ADD2: variants seen among roughly 807,000 people sequenced by gnomAD.
ADD2 encodes the protein beta-adducin.
In ADD2, 23 loss-of-function variants were observed where a neutral mutation model predicts 83.0. The ratio of observed to expected loss-of-function variants is 0.28; its 90% CI spans 0.20 to 0.39. ADD2 has a LOEUF of 0.39. Among genes scored for constraint, ADD2 ranks in the 10% least tolerant of loss-of-function variants. The probability of loss-of-function intolerance (pLI) is 1.00; values close to 1 mark genes in which losing one functional copy is unlikely to be tolerated. For synonymous variants in ADD2, 375 were observed against 375.4 expected, an observed-to-expected ratio of 1.00 and a Z score of 0.01; for missense variants, 758 against 944.9, an observed-to-expected ratio of 0.80 and a Z score of 2.59.
intron 1 of ADD2, among the ~76,000 whole-genome samples, chr2:70,766,227 C>T (rs1553386017): frequency 6.6e-6 from 1 of 152,106 alleles, no homozygotes; most frequent in African/African-American, 2.4e-5. Flanking sequence ...AATAATTTAT[C>T]TTTAGTGGTT....
chr2:70,758,499 A>G (rs1674914773), intron 1 of ADD2, among the ~76,000 whole-genome samples: 1 of 152,204 alleles, frequency 6.6e-6, no homozygotes, highest in Non-Finnish European at 1.5e-5. Flanking sequence ...TAGAGGGTAG[A>G]GCGTAAAGGA....
In ADD2 at chr2:70,676,385, G is replaced by A; in HGVS notation, c.1593+411C>T. On this transcript the variant is annotated intron_variant, in intron 13 of 15. Coordinates refer to ENST00000264436, the MANE Select transcript of ADD2 (RefSeq NM_001617.4). The surrounding 1 kb of genome is among the most constrained non-coding windows in gnomAD (Gnocchi z 4.8). ...TGATCATCTTTCCAGAGCTCTGGTT[G>A]GATGATGTCATACCAGGCTCAGAGG... 1 of 1,122,650 alleles carries A rather than the reference G, an allele frequency of 8.9e-7. No homozygotes were observed. Among genetic ancestry groups the A allele is most frequent in the Non-Finnish European group, 1.1e-6 (1 of 916,212 alleles). The allele number at this position is 1,122,650 out of a possible 1,614,324, so 69.5% of individuals were successfully genotyped here.
At chr2:70,711,878 G>A (rs1384660635) in intron 2 of ADD2, among the ~76,000 whole-genome samples, 3 of 152,218 alleles carry the variant, frequency 2.0e-5, no homozygotes, top group Non-Finnish European at 4.4e-5. Context: ...CAAGTCAGTT[G>A]GAAGCATGGG....
Position 70,677,837 on chromosome 2 carries a change from A to C in ADD2, c.1424T>G (p.Met475Arg). ...GTTTGGGTTTTCGATGCGAATCGGC[A>C]TGCCACTGCTGGATTTCTCCACCTC... is the stretch of plus-strand genomic sequence containing the variant. ...ADEVEKSSSG[M>R]PIRIENPNQF... Residue 475 changes from methionine (M) to arginine (R), a missense_variant, in exon 12 of 16, where the codon ATG becomes AGG. This residue lies in a region of ADD2 where 394 missense variants were observed against 509.3 expected (regional missense o/e 0.77). Coordinates refer to ENST00000264436, the MANE Select transcript of ADD2 (RefSeq NM_001617.4). The C allele has an allele frequency of 6.2e-7, 1 of 1,614,224 alleles. No individual in the cohort carries two copies. Among genetic ancestry groups the C allele is most frequent in the Non-Finnish European group, 8.5e-7 (1 of 1,180,042 alleles).
rs1675629105 is a variant in ADD2, at chr2:70,663,664, C to A, written c.1942G>T (p.Val648Leu). ...EPETTQPEGV[V>L]VNGREEEQTA... ...TGCTCCTCCTCCCTCCCGTTGACCA[C>A]CACCCCTTCCGGCTGGGTTGTTTCG... The change falls in exon 16 of 16, where the codon GTG becomes TTG. Residue 648 changes from valine (V) to leucine (L), a missense_variant. Physicochemically the swap from Val to Leu is conservative, Grantham distance 32. Transcript: ENST00000264436. The A allele has an allele frequency of 4.3e-6, 7 of 1,614,014 alleles. No homozygotes were observed. Among genetic ancestry groups the A allele is most frequent in the African/African-American group, 1.3e-5 (1 of 74,884 alleles).
At chr2:70,663,849 G>A (rs1221676728) in intron 15 of ADD2, 114 bp from the exon 16 acceptor site, 4 of 1,173,490 alleles carry the variant, frequency 3.4e-6, no homozygotes, top group African/African-American at 3.1e-5. Flanking sequence ...AGAGCGAGGG[G>A]AGGGCCAGCC....
At chr2:70,743,867 T>C (rs1674047007) in intron 1 of ADD2, among the ~76,000 whole-genome samples, 1 of 152,198 alleles carries the variant, frequency 6.6e-6, no homozygotes, top group South Asian at 2.1e-4. Flanking sequence ...CTGAGAAGCC[T>C]AGAGGGGACA....
At chr2:70,713,384 G>T (rs138833000) in intron 1 of ADD2, among the ~76,000 whole-genome samples, 200 bp from the exon 2 acceptor site, 1,578 of 152,050 alleles carry the variant, frequency 0.01, 27 homozygotes, top group African/African-American at 0.034. Flanking sequence ...AGGCCAAGGT[G>T]GGGGGATCAC....
intron 1 of ADD2, among the ~76,000 whole-genome samples, chr2:70,753,340 A>G (rs1352246146): frequency 5.3e-5 from 8 of 152,186 alleles, no homozygotes; most frequent in African/African-American, 1.9e-4. Context: ...AAAGAGGACA[A>G]GTATAAACAG....
chr2:70,707,562 C>T (rs995714779), intron 2 of ADD2, among the ~76,000 whole-genome samples: 7 of 142,034 alleles, frequency 4.9e-5, no homozygotes, highest in Admixed American at 1.4e-4. Context: ...TGGGAATTTG[C>T]GAAGCCCGTC....
At chr2:70,737,170 T>A (rs1365827138) in intron 1 of ADD2, among the ~76,000 whole-genome samples, 8 of 152,150 alleles carry the variant, frequency 5.3e-5, no homozygotes, top group Admixed American at 3.9e-4. Context: ...AGTGTGGCGA[T>A]TCCTCAAGGA....
At chr2:70,677,645 G>T in intron 12 of ADD2, 113 bp downstream of exon 12, 1 of 1,352,440 alleles carries the variant, frequency 7.4e-7, no homozygotes, top group Non-Finnish European at 1.0e-6. Context: ...CTCCTGTGAG[G>T]CATGTGAGAT....
chr2:70,716,593 T>A (rs1394419270), intron 1 of ADD2, among the ~76,000 whole-genome samples: 1 of 152,226 alleles, frequency 6.6e-6, no homozygotes, highest in Non-Finnish European at 1.5e-5. Context: ...CTATCCTCCC[T>A]GTTGCCATAG....
chr2:70,712,060 A>G (rs1672208131), intron 2 of ADD2, among the ~76,000 whole-genome samples: 1 of 152,142 alleles, frequency 6.6e-6, no homozygotes, highest in Non-Finnish European at 1.5e-5. Context: ...TTGGTGACAT[A>G]ATATTACCAG....
At position 70,663,582 on chromosome 2, in the gene ADD2, G is replaced by A. The variant is rs374483089; in HGVS notation, c.2024C>T (p.Thr675Met). The part of the protein sequence containing the change: ...GLSQMTTSAD[T>M]DVDTSKDKTE... ...TTTGTCCTTAGAGGTATCAACATCC[G>A]TGTCAGCACTGGTGGTCATCTGGCT... The change falls in exon 16 of 16, where the codon ACG becomes ATG. Residue 675 changes from threonine (T) to methionine (M), a missense_variant. Transcript: ENST00000264436. 13 of 1,614,020 alleles carry A rather than the reference G, an allele frequency of 8.1e-6. No homozygotes were observed. Among genetic ancestry groups the A allele is most frequent in the South Asian group, 6.6e-5 (6 of 91,082 alleles).
chr2:70,751,800 GCA>G (rs1558579472), intron 1 of ADD2, among the ~76,000 whole-genome samples: 1 of 152,096 alleles, frequency 6.6e-6, no homozygotes, highest in African/African-American at 2.4e-5. Context: ...GTGATAACCA[GCA>G]CAGAGAACAA....
chr2:70,664,338 A>G (rs1675668096), intron 15 of ADD2, among the ~76,000 whole-genome samples: 2 of 152,146 alleles, frequency 1.3e-5, no homozygotes, highest in South Asian at 4.1e-4. Context: ...TCTAGCAGCC[A>G]CTGGGGCCCC....
At chr2:70,755,237 C>T (rs1553383621) in intron 1 of ADD2, among the ~76,000 whole-genome samples, 1 of 152,218 alleles carries the variant, frequency 6.6e-6, no homozygotes, top group African/African-American at 2.4e-5. Context: ...ATCTCCCTGA[C>T]TCCCTCTTCG....
rs1671317351 is a variant in ADD2 at position 70,696,409 on chromosome 2, T to C, written c.323-13A>G. The C allele has an allele frequency of 6.2e-7, 1 of 1,613,922 alleles. No individual in the cohort carries two copies. Among genetic ancestry groups the C allele is most frequent in the African/African-American group, 1.3e-5 (1 of 74,932 alleles). Reference sequence around the variant, plus strand: ...ATCATGGAGACATCTGCAGGGACAGTGCAGTTCTCTCAGGGCCAGGGCCCA... The same window carrying C: ...ATCATGGAGACATCTGCAGGGACAGCGCAGTTCTCTCAGGGCCAGGGCCCA... On this transcript the variant is annotated splice_polypyrimidine_tract_variant and intron_variant, in intron 4 of 15. Transcript: ENST00000264436.
Sources: allele counts gnomAD v4.1 joint callset (sites outside exome capture counted in the v4.1 genomes callset), GRCh38; gene constraint gnomAD v4.1.1; regional missense constraint gnomAD v4.1.1; non-coding constraint Gnocchi (gnomAD v3.1); transcripts MANE v1.5; gene names NCBI Gene and HGNC (gene_info 2026-07-23, HGNC 2026-07-21).